PACRG: variants seen among roughly 807,000 people sequenced by gnomAD.
PACRG encodes parkin coregulated.
A neutral mutation model predicts 29.7 loss-of-function variants in PACRG; 29 were observed. The observed-to-expected ratio is 0.98, with a 90% confidence interval of 0.73 to 1.33. The LOEUF (loss-of-function observed/expected upper bound fraction) is 1.33. PACRG is among the 40% of genes most tolerant of loss of function. The pLI is 0.00. For missense variants in PACRG, 279 were observed against 316.2 expected (o/e 0.88, Z 0.89); for synonymous variants, 116 against 118.7 (o/e 0.98, Z 0.15).
upstream of PACRG, chr6:162,727,364 G>C (rs1014831413): frequency 2.1e-6 from 1 of 472,046 alleles, no homozygotes; most frequent in African/African-American, 2.1e-5. Context: ...ACACGGTCCG[G>C]GGGACCGCGA....
rs1814724403 is a variant in PACRG, at chr6:163,097,689, T to C, written c.613+8281T>C. Among the ~76,000 whole-genome samples the C allele has an allele frequency of 3.3e-5, 5 of 152,310 alleles. No individual in the cohort carries two copies. The South Asian group carries it at 1.0e-3, about 32-fold the overall frequency. ...CGGTGGTTTACAGGTCATAGTGGGT[T>C]CAAAGAGTTCCTGATTGGCAATTGG... On this transcript the variant is annotated intron_variant, in intron 4 of 4. Coordinates refer to ENST00000366888, the MANE Select transcript of PACRG (RefSeq NM_001080379.2).
chr6:163,313,113 CAT>C (rs570601263), intron 4 of PACRG, among the ~76,000 whole-genome samples: 2,417 of 149,672 alleles, frequency 0.016, 62 homozygotes, highest in African/African-American at 0.053. Flanking sequence ...TATATATATA[CAT>C]ATATATATAT....
intron 2 of PACRG, among the ~76,000 whole-genome samples, chr6:162,915,289 A>G (rs1440126650): frequency 6.6e-6 from 1 of 151,540 alleles, no homozygotes; most frequent in Non-Finnish European, 1.5e-5. Context: ...TTTTTAGACC[A>G]GGGGTAGGCA....
chr6:163,257,532 A>G (rs565930779), intron 4 of PACRG, among the ~76,000 whole-genome samples: 92 of 152,286 alleles, frequency 6.0e-4, no homozygotes, highest in African/African-American at 2.0e-3. Flanking sequence ...TTTTTTTACA[A>G]CTATCAAACT....
At chr6:163,148,464 C>A (rs997385636) in intron 4 of PACRG, among the ~76,000 whole-genome samples, 2 of 152,218 alleles carry the variant, frequency 1.3e-5, no homozygotes, top group Non-Finnish European at 2.9e-5. Flanking sequence ...GCATCTCACA[C>A]AGAAAACATT....
intron 4 of PACRG, among the ~76,000 whole-genome samples, chr6:163,155,952 C>T (rs1562942121): frequency 6.6e-6 from 1 of 152,240 alleles, no homozygotes; most frequent in Non-Finnish European, 1.5e-5. Context: ...CCTCTTTTCT[C>T]CAAATTCATC....
intron 2 of PACRG, among the ~76,000 whole-genome samples, chr6:163,059,281 CTT>C (rs1210925073): frequency 2.0e-5 from 3 of 152,010 alleles, no homozygotes; most frequent in Non-Finnish European, 4.4e-5. Flanking sequence ...TTTCTCATAA[CTT>C]TTGTTTTTCA....
chr6:162,862,888 G>A (rs1791982983), intron 2 of PACRG, among the ~76,000 whole-genome samples: 1 of 152,166 alleles, frequency 6.6e-6, no homozygotes, highest in East Asian at 1.9e-4. Context: ...TGAGGCCTCT[G>A]TGCCCTTTTG....
intron 4 of PACRG, among the ~76,000 whole-genome samples, chr6:163,096,532 A>ACT (rs3058734): frequency 0.4 from 60,434 of 151,982 alleles, 13,627 homozygotes; most frequent in African/African-American, 0.61. Context: ...CTGGGTTCAA[A>ACT]CTGTTTGCCG....
chr6:163,286,144 C>G (rs1247066953), intron 4 of PACRG, among the ~76,000 whole-genome samples: 1 of 152,128 alleles, frequency 6.6e-6, no homozygotes, highest in South Asian at 2.1e-4. Context: ...TAGTCCATGT[C>G]TTTTGGAATG....
chr6:163,176,568 G>T (rs996967106), intron 4 of PACRG, among the ~76,000 whole-genome samples: 1 of 151,498 alleles, frequency 6.6e-6, no homozygotes, highest in Non-Finnish European at 1.5e-5. Flanking sequence ...AGGGAAAGAC[G>T]AAGGCAAAAA....
intron 2 of PACRG, among the ~76,000 whole-genome samples, chr6:162,947,349 A>ATATATATGAT (rs1491156729): frequency 4.8e-5 from 2 of 41,776 alleles, no homozygotes; most frequent in African/African-American, 2.1e-4. Flanking sequence ...TATAATGATT[A>ATATATATGAT]CATATATATA....
intron 1 of PACRG, among the ~76,000 whole-genome samples, chr6:162,749,570 G>T (rs766459970): frequency 2.0e-5 from 3 of 152,162 alleles, no homozygotes; most frequent in Middle Eastern, 3.4e-3. Flanking sequence ...GCCCAGGCTG[G>T]AGTGCAATGG....
At chr6:163,229,262 C>G (rs1781928255) in intron 4 of PACRG, among the ~76,000 whole-genome samples, 1 of 152,100 alleles carries the variant, frequency 6.6e-6, no homozygotes, top group African/African-American at 2.4e-5. Flanking sequence ...GCAGGAGGAT[C>G]ACTTTGAGCC....
At chr6:163,020,570 G>A (rs1048974986) in intron 2 of PACRG, among the ~76,000 whole-genome samples, 4 of 152,072 alleles carry the variant, frequency 2.6e-5, no homozygotes, top group Non-Finnish European at 2.9e-5. Flanking sequence ...TCCACAGAGC[G>A]GCTGCCTGAG....
chr6:163,020,417 A>T (rs1301435496), intron 2 of PACRG, among the ~76,000 whole-genome samples: 3 of 151,822 alleles, frequency 2.0e-5, no homozygotes. Context: ...AAAAACAATA[A>T]AAATAAAACC....
chr6:163,194,629 T>G (rs1459475985), intron 4 of PACRG, among the ~76,000 whole-genome samples: 1 of 152,232 alleles, frequency 6.6e-6, no homozygotes, highest in Non-Finnish European at 1.5e-5. Context: ...TTTGTAGTCA[T>G]AGTGGCATAC....
intron 2 of PACRG, among the ~76,000 whole-genome samples, chr6:162,967,868 A>G (rs183515556): frequency 1.9e-4 from 29 of 152,366 alleles, no homozygotes; most frequent in African/African-American, 6.3e-4. Context: ...AAATGAGTCT[A>G]TCAAACAAAA....
At chr6:163,212,274 T>C (rs1001702226) in intron 4 of PACRG, among the ~76,000 whole-genome samples, 1 of 152,090 alleles carries the variant, frequency 6.6e-6, no homozygotes, top group Non-Finnish European at 1.5e-5. Flanking sequence ...ATGAGCATGG[T>C]TGTAACTATG....
Sources: allele counts gnomAD v4.1 joint callset (sites outside exome capture counted in the v4.1 genomes callset), GRCh38; gene constraint gnomAD v4.1.1; transcripts MANE v1.5; gene names NCBI Gene and HGNC (gene_info 2026-07-23, HGNC 2026-07-21).